The following ATG10 variants were observed in gnomAD, a reference collection of about 807,000 sequenced individuals.
The protein encoded by ATG10 is ubiquitin-like-conjugating enzyme ATG10.
A neutral mutation model predicts 32.1 loss-of-function variants in ATG10; 30 were observed. The ratio of observed to expected loss-of-function variants is 0.94; its 90% CI spans 0.70 to 1.27. The LOEUF (loss-of-function observed/expected upper bound fraction) is 1.27. Ranked by LOEUF, ATG10 falls within the 50% of genes most tolerant of loss-of-function variation. The probability of loss-of-function intolerance (pLI) is 0.00; values close to 1 mark genes in which losing one functional copy is unlikely to be tolerated. For missense variants in ATG10, 233 were observed against 262.3 expected (o/e 0.89, Z 0.77); for synonymous variants, 87 against 91.5 (o/e 0.95, Z 0.28).
chr5:82,139,773 C>A (rs1167314661), intron 3 of ATG10, among the ~76,000 whole-genome samples: 1 of 132,576 alleles, frequency 7.5e-6, no homozygotes, highest in Non-Finnish European at 1.7e-5. Context: ...GCGCCTCTGC[C>A]CGGCCGCCCC....
intron 3 of ATG10, among the ~76,000 whole-genome samples, chr5:82,091,142 T>G (rs191641565): frequency 6.6e-6 from 1 of 152,328 alleles, no homozygotes; most frequent in East Asian, 1.9e-4. Context: ...GTATAAGAGA[T>G]ATTTTGGGGA....
chr5:82,073,402 A>G (rs994064381), intron 3 of ATG10: 2 of 152,206 alleles, frequency 1.3e-5, no homozygotes, highest in Non-Finnish European at 2.9e-5. Context: ...GGGATTTGGA[A>G]GGTAACATAT....
chr5:82,255,904 T>C lies in ATG10; in HGVS notation c.*1841T>C, dbSNP rs1747443168. 1 of 152,244 alleles carries C rather than the reference T, an allele frequency of 6.6e-6. No homozygotes were observed. The highest frequency in any genetic ancestry group is 1.5e-5 in the Non-Finnish European group (1 of 68,048). The allele number at this position is 152,244 out of a possible 1,614,324, so 9.4% of individuals were successfully genotyped here. A position where few individuals can be genotyped will look rare whatever the true frequency, so the allele number is the denominator to read the frequency against. On this transcript the variant is annotated 3_prime_UTR_variant, in exon 8 of 8. Transcript: ENST00000282185. ...AAGTAGAGAAAGGGTTAATTCAAACTGCTAGAAAAGCTAAAAGTAAATTTT... is the reference window on the plus strand; with the variant it reads ...AAGTAGAGAAAGGGTTAATTCAAACCGCTAGAAAAGCTAAAAGTAAATTTT...
At chr5:82,222,303 G>C (rs1745960776) in intron 5 of ATG10, among the ~76,000 whole-genome samples, 1 of 152,212 alleles carries the variant, frequency 6.6e-6, no homozygotes. Flanking sequence ...TTCCAAATTA[G>C]TTGTGAATAC....
chr5:82,230,224 C>T (rs1388843175), intron 5 of ATG10, among the ~76,000 whole-genome samples: 2 of 152,094 alleles, frequency 1.3e-5, no homozygotes, highest in East Asian at 3.9e-4. Context: ...GGTTAGTTCT[C>T]ACATTAAGAC....
At chr5:82,122,902 T>G (rs1202026326) in intron 3 of ATG10, among the ~76,000 whole-genome samples, 2 of 152,202 alleles carry the variant, frequency 1.3e-5, no homozygotes, top group African/African-American at 4.8e-5. Flanking sequence ...ACTTATACAC[T>G]GTTGGTGGGA....
At chr5:82,110,765 A>T (rs970228861) in intron 3 of ATG10, among the ~76,000 whole-genome samples, 1 of 151,966 alleles carries the variant, frequency 6.6e-6, no homozygotes, top group Non-Finnish European at 1.5e-5. Flanking sequence ...GTTCACTCTG[A>T]TGGTAGTTTC....
chr5:82,009,586 C>G lies in ATG10; in HGVS notation c.108+21908C>G. The G allele has an allele frequency of 1.9e-6, 3 of 1,571,438 alleles. No individual in the cohort carries two copies. In the South Asian group the frequency reaches 3.3e-5, roughly 17 times the overall value. ...ATGGTCTGGTGGTTAAGATAAAACA[C>G]AAGTCAAACTTATTCGAGTTGTCCA... On this transcript the variant is annotated intron_variant, in intron 2 of 7. Coordinates refer to ENST00000282185, the MANE Select transcript of ATG10 (RefSeq NM_031482.5).
chr5:82,047,404 A>G (rs921892439), intron 2 of ATG10, among the ~76,000 whole-genome samples: 1 of 152,250 alleles, frequency 6.6e-6, no homozygotes, highest in Non-Finnish European at 1.5e-5. Flanking sequence ...AACTGTTAAA[A>G]GTAATTAATA....
At chr5:82,167,221 T>A (rs1277220999) in intron 4 of ATG10, among the ~76,000 whole-genome samples, 1 of 152,216 alleles carries the variant, frequency 6.6e-6, no homozygotes, top group African/African-American at 2.4e-5. Flanking sequence ...TTCTATTATA[T>A]CACAATTTGT....
chr5:82,117,647 A>T (rs989351425), intron 3 of ATG10, among the ~76,000 whole-genome samples: 1 of 152,124 alleles, frequency 6.6e-6, no homozygotes, highest in Non-Finnish European at 1.5e-5. Flanking sequence ...TTTCATTCAT[A>T]TGATCTGGCC....
intron 2 of ATG10, among the ~76,000 whole-genome samples, chr5:82,011,651 T>C (rs1169942004): frequency 1.3e-5 from 2 of 152,254 alleles, no homozygotes; most frequent in African/African-American, 4.8e-5. Flanking sequence ...TCAGAGGTTA[T>C]GCTCAAACAC....
chr5:82,144,837 T>C (rs1767283466), intron 3 of ATG10, among the ~76,000 whole-genome samples: 1 of 152,092 alleles, frequency 6.6e-6, no homozygotes. Context: ...CCTCTTTGTT[T>C]TGACTAAAAT....
At chr5:82,096,989 C>T (rs1299405739) in intron 3 of ATG10, among the ~76,000 whole-genome samples, 1 of 152,098 alleles carries the variant, frequency 6.6e-6, no homozygotes, top group Non-Finnish European at 1.5e-5. Context: ...CAATTAGCTC[C>T]ATTTGCTTAG....
chr5:82,142,206 C>T (rs923552670), intron 3 of ATG10, among the ~76,000 whole-genome samples: 4 of 152,146 alleles, frequency 2.6e-5, no homozygotes, highest in African/African-American at 9.7e-5. Context: ...AGCTTGTTTC[C>T]TCAAGCCAAC....
At chr5:82,239,908 T>C (rs1437767501) in intron 5 of ATG10, among the ~76,000 whole-genome samples, 2 of 152,080 alleles carry the variant, frequency 1.3e-5, no homozygotes, top group African/African-American at 2.4e-5. Context: ...CTAAAAGATA[T>C]ATGAAAAAAT....
chr5:82,164,893 A>G (rs542039779), intron 4 of ATG10, among the ~76,000 whole-genome samples: 2 of 152,374 alleles, frequency 1.3e-5, no homozygotes, highest in African/African-American at 4.8e-5. Context: ...TTAATCTCAG[A>G]TGATCCAATT....
chr5:81,993,724 C>A (rs1482902918), intron 2 of ATG10, among the ~76,000 whole-genome samples: 1 of 151,944 alleles, frequency 6.6e-6, no homozygotes, highest in African/African-American at 2.4e-5. Flanking sequence ...CCGTGCCCAG[C>A]CTTAGCCTGG....
chr5:82,016,094 T>C (rs1762278858), intron 2 of ATG10, among the ~76,000 whole-genome samples: 1 of 152,206 alleles, frequency 6.6e-6, no homozygotes, highest in African/African-American at 2.4e-5. Context: ...TTAAATTGTC[T>C]CGTCTATTTA....
Sources: gnomAD v4.1 joint callset for allele counts (sites outside exome capture counted in the v4.1 genomes callset) on GRCh38, gnomAD v4.1.1 for gene constraint, MANE v1.5 for transcripts, NCBI Gene and HGNC (gene_info 2026-07-23, HGNC 2026-07-21) for gene names.